The following ALMS1 variants were observed in gnomAD, a reference collection of about 807,000 sequenced individuals.
ALMS1 encodes the protein ALMS1 centrosome and basal body associated protein, also known as centrosome-associated protein ALMS1.
In ALMS1, 271 loss-of-function variants were observed where a neutral mutation model predicts 352.2. That is an observed-to-expected ratio of 0.77 (90% CI 0.70 to 0.85). The LOEUF (loss-of-function observed/expected upper bound fraction) is 0.85, where lower values mean the gene tolerates loss of function less well. Among genes scored for constraint, ALMS1 ranks in the 40% least tolerant of loss-of-function variants. The pLI is 0.00. For missense variants in ALMS1, 5,445 were observed against 4,870.7 expected (o/e 1.12, Z -3.51); for synonymous variants, 1,865 against 1,761.2 (o/e 1.06, Z -1.48).
Position 73,550,326 on chromosome 2 carries a change from G to C in ALMS1, c.9967G>C (p.Asp3323His). Residue 3323 changes from aspartate to histidine, a missense_variant, in exon 13 of 23, where the codon GAC becomes CAC. Asp to His is a moderately conservative substitution (Grantham distance 81, BLOSUM62 -1). Transcript: ENST00000613296. Reference sequence around the variant, plus strand: ...TCAGGTGCTAGGCACAAGAGATGATGACCTCTCAGCCACTGTTAACATTAA... The same window carrying C: ...TCAGGTGCTAGGCACAAGAGATGATCACCTCTCAGCCACTGTTAACATTAA... ...PAQVLGTRDD[D>H]LSATVNIKHK... 6.2e-7 allele frequency: 1 copy of C among 1,614,162 alleles called. No homozygotes were observed. Among genetic ancestry groups the C allele is most frequent in the Middle Eastern group, 1.6e-4 (1 of 6,062 alleles).
Position 73,448,469 on chromosome 2 carries a change from G to A in ALMS1, c.1942G>A (p.Val648Ile). The A allele has an allele frequency of 6.2e-7, 1 of 1,613,752 alleles. No individual in the cohort carries two copies. Among genetic ancestry groups the A allele is most frequent in the Non-Finnish European group, 8.5e-7 (1 of 1,179,910 alleles). The stretch of plus-strand genomic sequence containing the variant: ...TAACTTAACCGAAGAGCCTTTGGAA[G>A]TTTCAGCTGCTCCTGGCCCAGTGGA... ...ESNLTEEPLEVSAAPGPVEQK... is the reference protein window; with the variant it reads ...ESNLTEEPLEISAAPGPVEQK... The change falls in exon 8 of 23, where the codon GTT becomes ATT. Residue 648 changes from valine to isoleucine, a missense_variant. Coordinates refer to ENST00000613296, the MANE Select transcript of ALMS1 (RefSeq NM_001378454.1).
At chr2:73,422,257 A>C (rs987582362) in intron 3 of ALMS1, among the ~76,000 whole-genome samples, 3 of 152,132 alleles carry the variant, frequency 2.0e-5, no homozygotes, top group African/African-American at 7.2e-5. Context: ...TTCTGTATTC[A>C]ATCTGTTGCT....
intron 2 of ALMS1, among the ~76,000 whole-genome samples, chr2:73,415,974 G>A (rs1269419875): frequency 1.3e-5 from 2 of 152,198 alleles, no homozygotes; most frequent in African/African-American, 4.8e-5. Context: ...AATTATTGCA[G>A]TAGAGGAACT....
intron 15 of ALMS1, among the ~76,000 whole-genome samples, chr2:73,566,503 C>T (rs1379025575): frequency 6.6e-6 from 1 of 152,172 alleles, no homozygotes; most frequent in Non-Finnish European, 1.5e-5. Context: ...CTACTCACAA[C>T]GACGTGCAAT....
In ALMS1 at chr2:73,559,154, G is replaced by A; in HGVS notation, c.10384+12G>A. On this transcript the variant is annotated intron_variant, in intron 15 of 22. Transcript: ENST00000613296. Reference sequence around the variant, plus strand: ...GATCAATATTGAAGGTAATGGGATTGGGTTGTGTATGAGTGTGTGTGTCTT... The same window carrying A: ...GATCAATATTGAAGGTAATGGGATTAGGTTGTGTATGAGTGTGTGTGTCTT... 1 of 1,611,052 alleles carries A rather than the reference G, an allele frequency of 6.2e-7. No homozygotes were observed. Among genetic ancestry groups the A allele is most frequent in the Non-Finnish European group, 8.5e-7 (1 of 1,178,338 alleles).
chr2:73,501,503 G>C (rs777064122), intron 10 of ALMS1, among the ~76,000 whole-genome samples: 1 of 152,032 alleles, frequency 6.6e-6, no homozygotes, highest in Admixed American at 6.6e-5. Context: ...AAGTTATGCA[G>C]TTGAGGATCA....
intron 16 of ALMS1, among the ~76,000 whole-genome samples, chr2:73,575,934 AG>A (rs1234628982): frequency 6.6e-6 from 1 of 152,094 alleles, no homozygotes; most frequent in African/African-American, 2.4e-5. Context: ...TTTCTTCTTA[AG>A]AGTTTAATAA....
intron 15 of ALMS1, among the ~76,000 whole-genome samples, chr2:73,559,930 C>T (rs932973187): frequency 1.2e-4 from 19 of 152,090 alleles, no homozygotes; most frequent in South Asian, 1.2e-3. Context: ...ATAAAACTCC[C>T]AGAAGAAAAC....
chr2:73,609,293 G>A (rs1043649740), intron 22 of ALMS1, among the ~76,000 whole-genome samples: 2 of 152,234 alleles, frequency 1.3e-5, no homozygotes, highest in Admixed American at 6.5e-5. Flanking sequence ...CAGCATCGCA[G>A]GGCCAGGCCT....
chr2:73,407,746 C>T (rs747292655), intron 1 of ALMS1, among the ~76,000 whole-genome samples: 13 of 151,980 alleles, frequency 8.6e-5, no homozygotes, highest in Non-Finnish European at 1.9e-4. Context: ...TTAGTAGAGA[C>T]GGGGTTTTGC....
chr2:73,438,153 T>A (rs192609969), intron 7 of ALMS1, among the ~76,000 whole-genome samples: 1 of 152,268 alleles, frequency 6.6e-6, no homozygotes, highest in East Asian at 1.9e-4. Context: ...CAGGCAGCAA[T>A]CCCTCCCTCA....
At chr2:73,507,457 T>A (rs953915227) in intron 10 of ALMS1, among the ~76,000 whole-genome samples, 1 of 152,226 alleles carries the variant, frequency 6.6e-6, no homozygotes, top group African/African-American at 2.4e-5. Context: ...TCAGAACTTG[T>A]CATTGGACTG....
intron 22 of ALMS1, among the ~76,000 whole-genome samples, chr2:73,609,179 C>T (rs1558715714): frequency 6.6e-6 from 1 of 152,216 alleles, no homozygotes; most frequent in African/African-American, 2.4e-5. Flanking sequence ...CCCTGTCAGT[C>T]ACCAGACTGA....
At chr2:73,388,029 T>A (rs1432745246) in intron 1 of ALMS1, among the ~76,000 whole-genome samples, 2 of 152,114 alleles carry the variant, frequency 1.3e-5, no homozygotes, top group African/African-American at 4.8e-5. Context: ...GTGGAGGTGG[T>A]GGCTGTGAGT....
intron 16 of ALMS1, among the ~76,000 whole-genome samples, chr2:73,586,914 A>C (rs150054194): frequency 6.6e-6 from 1 of 152,130 alleles, no homozygotes; most frequent in Non-Finnish European, 1.5e-5. Flanking sequence ...TGTGTCATCA[A>C]TGATTTCTTT....
At chr2:73,567,753 A>C (rs1044778519) in intron 15 of ALMS1, among the ~76,000 whole-genome samples, 1 of 152,186 alleles carries the variant, frequency 6.6e-6, no homozygotes, top group Non-Finnish European at 1.5e-5. Flanking sequence ...TGCAAGTATA[A>C]AAGATCCAAG....
At chr2:73,443,458 T>C (rs1195597051) in intron 7 of ALMS1, among the ~76,000 whole-genome samples, 2 of 152,178 alleles carry the variant, frequency 1.3e-5, no homozygotes, top group African/African-American at 2.4e-5. Flanking sequence ...AGGAAAATGT[T>C]TCTGTTTTTC....
At chr2:73,463,053 CAG>C (rs1240329319) in intron 9 of ALMS1, among the ~76,000 whole-genome samples, 8 of 152,142 alleles carry the variant, frequency 5.3e-5, no homozygotes, top group Non-Finnish European at 1.0e-4. Context: ...ATCAACGAGA[CAG>C]AAAGTTAACA....
chr2:73,461,191 G>C (rs4852930), intron 9 of ALMS1, among the ~76,000 whole-genome samples: 75,460 of 152,060 alleles, frequency 0.5, 21,519 homozygotes, highest in East Asian at 0.77. Context: ...CACCCCCCAG[G>C]AGGGGCAGAC....
Sources: allele counts gnomAD v4.1 joint callset (sites outside exome capture counted in the v4.1 genomes callset), GRCh38; gene constraint gnomAD v4.1.1; transcripts MANE v1.5; gene names NCBI Gene and HGNC (gene_info 2026-07-23, HGNC 2026-07-21).